Variants in PDGFA observed in about 807,000 individuals in gnomAD.
The protein encoded by PDGFA is platelet-derived growth factor subunit A.
A neutral mutation model predicts 25.6 loss-of-function variants in PDGFA; 9 were observed. The observed-to-expected ratio is 0.35, with a 90% CI of 0.21 to 0.61. PDGFA has a LOEUF of 0.61. PDGFA is among the 20% of genes least tolerant of loss of function. The probability of loss-of-function intolerance (pLI) is 0.75; values close to 1 mark genes in which losing one functional copy is unlikely to be tolerated. For missense variants in PDGFA, 242 were observed against 272.8 expected (o/e 0.89, Z 0.79); for synonymous variants, 133 against 111.8 (o/e 1.19, Z -1.20).
chr7:501,339 AGCAGCCTGACCCCT>A, intron 4 of PDGFA, 97 bp from the exon 5 acceptor site: 1 of 1,494,928 alleles, frequency 6.7e-7, no homozygotes, highest in Non-Finnish European at 9.2e-7. Context: ...GGGAGGAGAG[AGCAGCCTGACCCCT>A]GACCTCCTCC....
In PDGFA at chr7:500,965, C is replaced by G. The variant is rs1473467557; in HGVS notation, c.580+151G>C. 1 of 1,597,462 alleles carries G rather than the reference C, an allele frequency of 6.3e-7. No homozygotes were observed. The highest frequency in any genetic ancestry group is 8.5e-7 in the Non-Finnish European group (1 of 1,178,394). On this transcript the variant is annotated intron_variant, in intron 5 of 5. Coordinates refer to ENST00000402802, the Ensembl canonical transcript of PDGFA. The surrounding 1 kb of genome is among the most constrained non-coding windows in gnomAD (Gnocchi z 5.0). ...TGGGATCCGTCTCCCCCGCAGGCATCTGGCCCGGGAGCAGGGCAACGAATC... is the reference window on the plus strand; with the variant it reads ...TGGGATCCGTCTCCCCCGCAGGCATGTGGCCCGGGAGCAGGGCAACGAATC...
At chr7:502,556 G>A (rs900246541) in intron 4 of PDGFA, among the ~76,000 whole-genome samples, 1 of 152,194 alleles carries the variant, frequency 6.6e-6, no homozygotes, top group African/African-American at 2.4e-5. Context: ...GGCACAGGCA[G>A]CTCAAAAGCG....
At chr7:502,132 G>A (rs376135875) in intron 4 of PDGFA, among the ~76,000 whole-genome samples, 5 of 152,236 alleles carry the variant, frequency 3.3e-5, no homozygotes, top group South Asian at 2.1e-4. Context: ...TGAGGTAGGA[G>A]GATCGCTTGA....
At chr7:505,418 T>A (rs1216605858) in intron 4 of PDGFA, among the ~76,000 whole-genome samples, 1 of 152,182 alleles carries the variant, frequency 6.6e-6, no homozygotes, top group African/African-American at 2.4e-5. Flanking sequence ...AACCCAGGGA[T>A]GCCGTCACCC....
intron 2 of PDGFA, among the ~76,000 whole-genome samples, chr7:516,972 C>T (rs1180488945): frequency 4.0e-5 from 6 of 151,612 alleles, no homozygotes; most frequent in Admixed American, 3.9e-4. Context: ...CCCGCCCGCC[C>T]GTCGGACCGG....
At chr7:501,521 C>G (rs1194502047) in intron 4 of PDGFA, among the ~76,000 whole-genome samples, 1 of 152,210 alleles carries the variant, frequency 6.6e-6, no homozygotes, top group Non-Finnish European at 1.5e-5. Flanking sequence ...AGCTCTTGGG[C>G]TCAAGTGATC....
chr7:498,282 T>G, exon 6 of PDGFA: 1 of 486,112 alleles, frequency 2.1e-6, no homozygotes, highest in Middle Eastern at 5.7e-4. Context: ...TGTGAGTCCG[T>G]TTTGTTTTTG....
chr7:507,270 T>TG (rs1782603337), intron 4 of PDGFA, among the ~76,000 whole-genome samples: 1 of 152,158 alleles, frequency 6.6e-6, no homozygotes, highest in South Asian at 2.1e-4. Context: ...TCTGAGGAGG[T>TG]GGGAACTGGG....
chr7:517,332 CG>C lies in PDGFA; in HGVS notation c.160+61del. ...CGCGGCGCCCCGCCCGGCCCCAGCT[CG>C]GGGCGCACAGGCCGCCCGCCCGCGC... On this transcript the variant is annotated intron_variant, in intron 2 of 5. Transcript: ENST00000402802. This position sits in a 1 kb window ranked among gnomAD's most constrained non-coding sequence, Gnocchi z 7.4. 4.2e-6 allele frequency: 3 copies of C among 712,576 alleles called. No homozygotes were observed. The highest frequency in any genetic ancestry group is 2.0e-6 in the Non-Finnish European group (1 of 508,064). The allele number at this position is 712,576 out of a possible 1,614,324, so 44.1% of individuals were successfully genotyped here.
intron 2 of PDGFA, among the ~76,000 whole-genome samples, chr7:513,715 T>C (rs4072008): frequency 0.45 from 67,960 of 151,930 alleles, 15,369 homozygotes; most frequent in Non-Finnish European, 0.48. Context: ...CCCCAGCCCA[T>C]CGAGGCATCC....
In PDGFA at chr7:512,344, G is replaced by A. The variant is rs779135710; in HGVS notation, c.265+7C>T. 52 of 1,611,126 alleles carry A rather than the reference G, an allele frequency of 3.2e-5. 2 individuals are homozygous for A. The South Asian group carries it at 4.1e-4, about 13-fold the overall frequency. On this transcript the variant is annotated splice_region_variant and intron_variant, in intron 3 of 5. Transcript: ENST00000402802. Reference sequence around the variant, plus strand: ...CTGCCCTGCCCATCGCGGCCTCCTGGACTCACCGATGCTTCTCTTCCTCCG... The same window carrying A: ...CTGCCCTGCCCATCGCGGCCTCCTGAACTCACCGATGCTTCTCTTCCTCCG...
In PDGFA at chr7:517,407, C is replaced by T; in HGVS notation, c.147G>A (p.Glu49=). 1 of 1,385,952 alleles carries T rather than the reference C, an allele frequency of 7.2e-7. No individual in the cohort carries two copies. Among genetic ancestry groups the T allele is most frequent in the Non-Finnish European group, 9.5e-7 (1 of 1,054,186 alleles). The allele number at this position is 1,385,952 out of a possible 1,614,324, so 85.9% of individuals were successfully genotyped here. ...GGCGCGATTTACCTACGGAGTCTAT[C>T]TCCAGGAGTCGCTGGAGGTCCCGGA... The change falls in exon 2 of 6, where the codon GAG becomes GAA. Residue 49 remains glutamate, a synonymous_variant. Transcript: ENST00000402802. This position sits in a 1 kb window ranked among gnomAD's most constrained non-coding sequence, Gnocchi z 7.4.
At chr7:499,720 T>TCC (rs1162560758) in intron 5 of PDGFA, among the ~76,000 whole-genome samples, 1 of 23,060 alleles carries the variant, frequency 4.3e-5, no homozygotes, top group South Asian at 1.2e-3. Context: ...ATTTTGCCCT[T>TCC]CCCCCCCCCC....
In PDGFA at chr7:500,180, C is replaced by T. The variant is rs1008427110; in HGVS notation, c.580+936G>A. Among the ~76,000 whole-genome samples, 2 of 152,200 alleles carry T rather than the reference C, an allele frequency of 1.3e-5. No individual in the cohort carries two copies. Among genetic ancestry groups the T allele is most frequent in the Non-Finnish European group, 2.9e-5 (2 of 68,036 alleles). On this transcript the variant is annotated intron_variant, in intron 5 of 5. Transcript: ENST00000402802. The surrounding 1 kb of genome is among the most constrained non-coding windows in gnomAD (Gnocchi z 5.0). ...TTCATGTGCAATGCTCCTGCATCCC[C>T]AATCAACGACAAAGAGAAGGACAAA...
chr7:508,850 C>A (rs1782680575), intron 4 of PDGFA, among the ~76,000 whole-genome samples: 1 of 152,340 alleles, frequency 6.6e-6, no homozygotes, highest in South Asian at 2.1e-4. Flanking sequence ...GACACTCACC[C>A]TGCAACCCCA....
intron 4 of PDGFA, among the ~76,000 whole-genome samples, chr7:506,320 T>C (rs1782566057): frequency 6.6e-6 from 1 of 151,912 alleles, no homozygotes; most frequent in Non-Finnish European, 1.5e-5. Context: ...CCTTCAGCAC[T>C]GCCCCCATAT....
rs775217942 is a variant in PDGFA, at chr7:500,005, G to T, written c.580+1111C>A. Among the ~76,000 whole-genome samples, 69 of 152,086 alleles carry T rather than the reference G, an allele frequency of 4.5e-4. No homozygotes were observed. The highest frequency in any genetic ancestry group is 7.4e-4 in the Non-Finnish European group (50 of 68,014). On this transcript the variant is annotated intron_variant, in intron 5 of 5. Transcript: ENST00000402802. This position sits in a 1 kb window ranked among gnomAD's most constrained non-coding sequence, Gnocchi z 5.0. ...CCAACAGCCCTGCACGTTTATAAAG[G>T]ATTTCCAGATATATTCAGCCTCCAA...
At chr7:518,954 G>C (rs761332385) in exon 1 of PDGFA, 4 of 1,538,578 alleles carry the variant, frequency 2.6e-6, no homozygotes, top group South Asian at 2.4e-5. Context: ...CCAGAACATG[G>C]GCGAGGTATC....
chr7:514,423 C>A (rs777261930), intron 2 of PDGFA, among the ~76,000 whole-genome samples: 2 of 152,208 alleles, frequency 1.3e-5, no homozygotes, highest in Non-Finnish European at 2.9e-5. Context: ...CCCAGTCTAC[C>A]AAGCCCACCC....
Sources: gnomAD v4.1 joint callset for allele counts (sites outside exome capture counted in the v4.1 genomes callset) on GRCh38, gnomAD v4.1.1 for gene constraint, Gnocchi (gnomAD v3.1) non-coding constraint, MANE v1.5 for transcripts, NCBI Gene and HGNC (gene_info 2026-07-23, HGNC 2026-07-21) for gene names.